The following SLC48A1 variants were observed in gnomAD, a reference collection of about 807,000 sequenced individuals.
SLC48A1 encodes heme transporter HRG1.
A neutral mutation model predicts 14.8 loss-of-function variants in SLC48A1; 6 were observed. That is an observed-to-expected ratio of 0.41 (90% CI 0.22 to 0.80). SLC48A1 has a LOEUF of 0.80. Ranked by LOEUF, SLC48A1 falls within the 30% of genes least tolerant of loss-of-function variation. The pLI is 0.34. For missense variants in SLC48A1, 165 were observed against 204.8 expected, an observed-to-expected ratio of 0.81 and a Z score of 1.19; for synonymous variants, 89 against 90.0, an observed-to-expected ratio of 0.99 and a Z score of 0.06.
upstream of SLC48A1, among the ~76,000 whole-genome samples, chr12:47,768,342 G>A (rs1277892443): frequency 6.6e-6 from 1 of 152,172 alleles, no homozygotes; most frequent in Non-Finnish European, 1.5e-5. Flanking sequence ...GGGGAAAGAC[G>A]AACAGAGGAG....
At chr12:47,758,206 C>A (rs1942211612), upstream of SLC48A1, 3 of 1,440,202 alleles carry the variant, frequency 2.1e-6, no homozygotes, top group Non-Finnish European at 2.7e-6. Flanking sequence ...GTGCTGCAAC[C>A]CTGCCAGGAG....
At chr12:47,769,641 C>G (rs895542287), upstream of SLC48A1, 2 of 152,166 alleles carry the variant, frequency 1.3e-5, no homozygotes, top group African/African-American at 2.4e-5. Flanking sequence ...ATAACAATTT[C>G]AACAGCAGCA....
rs1942872371 is a variant in SLC48A1, at chr12:47,781,367, A to C, written c.*1086A>C. 1 of 159,260 alleles carries C rather than the reference A, an allele frequency of 6.3e-6. No homozygotes were observed. Among genetic ancestry groups the C allele is most frequent in the South Asian group, 1.7e-4 (1 of 5,922 alleles). The allele number at this position is 159,260 out of a possible 1,614,324, so 9.9% of individuals were successfully genotyped here. A position where few individuals can be genotyped will look rare whatever the true frequency, so the allele number is the denominator to read the frequency against. On this transcript the variant is annotated 3_prime_UTR_variant, in exon 3 of 3. Transcript: ENST00000442218. ...TGCCTTCTCAGAGTGCCCTTGCTGCACCCAGACCACCGGCCAGGAGAGACC... is the reference window on the plus strand; with the variant it reads ...TGCCTTCTCAGAGTGCCCTTGCTGCCCCCAGACCACCGGCCAGGAGAGACC...
chr12:47,776,509 T>C (rs1169142201), intron 1 of SLC48A1, among the ~76,000 whole-genome samples: 1 of 152,130 alleles, frequency 6.6e-6, no homozygotes, highest in Non-Finnish European at 1.5e-5. Flanking sequence ...AGTGACCCCC[T>C]TGGGTAGGGC....
At chr12:47,758,461 C>A, upstream of SLC48A1, 1 of 1,586,158 alleles carries the variant, frequency 6.3e-7, no homozygotes. Flanking sequence ...CCCTGACTAA[C>A]CCTCCCTCTC....
At chr12:47,761,386 G>A (rs1321814467) in intron 2 of SLC48A1, among the ~76,000 whole-genome samples, 1 of 152,162 alleles carries the variant, frequency 6.6e-6, no homozygotes, top group African/African-American at 2.4e-5. Flanking sequence ...CCCCTCTCTG[G>A]GGAGATTGAG....
chr12:47,757,390 A>C (rs755254448), upstream of SLC48A1, among the ~76,000 whole-genome samples: 9 of 152,252 alleles, frequency 5.9e-5, no homozygotes, highest in South Asian at 4.1e-4. Flanking sequence ...GGTACCAAGC[A>C]GTGTCCACAT....
intron 2 of SLC48A1, among the ~76,000 whole-genome samples, chr12:47,762,822 A>G (rs1459343001): frequency 6.6e-6 from 1 of 152,236 alleles, no homozygotes; most frequent in Admixed American, 6.5e-5. Flanking sequence ...TGCCTCGCTC[A>G]GTCCTTACTA....
chr12:47,773,723 G>A (rs368877321), intron 1 of SLC48A1, among the ~76,000 whole-genome samples: 1 of 152,178 alleles, frequency 6.6e-6, no homozygotes, highest in Admixed American at 6.5e-5. Context: ...TATCTGTCAC[G>A]GCACACTGCC....
rs1332980472 is a variant in SLC48A1, at chr12:47,758,644, C to T, written c.-389C>T. The T allele has an allele frequency of 5.6e-6, 9 of 1,593,502 alleles. No individual in the cohort carries two copies. In the Admixed American group the frequency reaches 1.4e-4, roughly 25 times the overall value. ...CCCCCATCAGCTTTGATAAGGGGATCCGGAGGGTGCCAGTGGGTAAGTCCA... is the reference window on the plus strand; with the variant it reads ...CCCCCATCAGCTTTGATAAGGGGATTCGGAGGGTGCCAGTGGGTAAGTCCA... On this transcript the variant is annotated 5_prime_UTR_variant, in exon 1 of 5. Coordinates refer to the SLC48A1 transcript ENST00000547002.
chr12:47,757,964 G>A, upstream of SLC48A1: 3 of 1,562,624 alleles, frequency 1.9e-6, no homozygotes, highest in South Asian at 2.4e-5. Context: ...ACCATGTTGA[G>A]TAGTGTCCCC....
upstream of SLC48A1, among the ~76,000 whole-genome samples, chr12:47,757,072 T>C (rs1386785409): frequency 6.6e-6 from 1 of 152,118 alleles, no homozygotes; most frequent in African/African-American, 2.4e-5. Flanking sequence ...GGCAGGTGGA[T>C]TGCTTGGGCC....
chr12:47,758,467 C>T, upstream of SLC48A1: 1 of 1,589,018 alleles, frequency 6.3e-7, no homozygotes, highest in Non-Finnish European at 8.6e-7. Context: ...CTAACCCTCC[C>T]TCTCCCACCC....
chr12:47,767,419 C>G (rs915142226), upstream of SLC48A1, among the ~76,000 whole-genome samples: 1 of 152,158 alleles, frequency 6.6e-6, no homozygotes, highest in Non-Finnish European at 1.5e-5. Flanking sequence ...AGGCACCTGG[C>G]GTTATACTAG....
intron 1 of SLC48A1, chr12:47,759,097 G>A: frequency 2.0e-6 from 2 of 981,624 alleles, no homozygotes; most frequent in Non-Finnish European, 2.4e-6. Flanking sequence ...GGCAGGAGCG[G>A]CCCCGAAGTG....
intron 2 of SLC48A1, among the ~76,000 whole-genome samples, chr12:47,762,380 CCTGCT>C (rs756309238): frequency 6.6e-6 from 1 of 152,166 alleles, no homozygotes; most frequent in Non-Finnish European, 1.5e-5. Context: ...GGCCTCTCCT[CCTGCT>C]CTGCCTCTCT....
chr12:47,759,747 C>G (rs1255861070), intron 1 of SLC48A1, among the ~76,000 whole-genome samples: 3 of 152,200 alleles, frequency 2.0e-5, no homozygotes, highest in African/African-American at 7.2e-5. Flanking sequence ...TGGCCGGGGA[C>G]AGCGACCCGT....
At chr12:47,758,609 T>A (rs1592589199) in exon 1 of SLC48A1, 1 of 1,609,252 alleles carries the variant, frequency 6.2e-7, no homozygotes, top group South Asian at 1.1e-5. Context: ...GGCTGGGGGG[T>A]CCCCAGCGAC....
chr12:47,758,183 T>G (rs1037088722), upstream of SLC48A1: 12 of 1,459,262 alleles, frequency 8.2e-6, no homozygotes, highest in Admixed American at 2.8e-4. Context: ...TCCTCTGGAC[T>G]GGTCAGGCGG....
Sources: allele counts gnomAD v4.1 joint callset (sites outside exome capture counted in the v4.1 genomes callset), GRCh38; gene constraint gnomAD v4.1.1; transcripts MANE v1.5; gene names NCBI Gene and HGNC (gene_info 2026-07-23, HGNC 2026-07-21).